The following SERPINB5 variants were observed in gnomAD, a reference collection of about 807,000 sequenced individuals.
SERPINB5 encodes the protein serpin family B member 5.
A neutral mutation model predicts 32.2 loss-of-function variants in SERPINB5; 27 were observed. The observed-to-expected ratio is 0.84, with a 90% CI of 0.62 to 1.16. The LOEUF (loss-of-function observed/expected upper bound fraction) is 1.16. Ranked by LOEUF, SERPINB5 falls within the 50% of genes most tolerant of loss-of-function variation. The pLI is 0.00. For synonymous variants in SERPINB5, 154 were observed against 157.4 expected, an observed-to-expected ratio of 0.98 and a Z score of 0.16; for missense variants, 388 against 436.3, an observed-to-expected ratio of 0.89 and a Z score of 0.99.
chr18:63,503,293 TA>T (rs1909607705), intron 6 of SERPINB5, 36 bp from the exon 7 acceptor site: 2 of 1,566,714 alleles, frequency 1.3e-6, no homozygotes, highest in Admixed American at 3.9e-5. Context: ...CAGTTGGAAA[TA>T]AATAAAAATA....
At chr18:63,495,095 G>A (rs1909421573) in intron 5 of SERPINB5, among the ~76,000 whole-genome samples, 1 of 152,186 alleles carries the variant, frequency 6.6e-6, no homozygotes, top group Non-Finnish European at 1.5e-5. Flanking sequence ...GGGAGCTGAG[G>A]GATGGGTAGG....
intron 1 of SERPINB5, among the ~76,000 whole-genome samples, chr18:63,481,420 A>AC: frequency 6.6e-6 from 1 of 152,332 alleles, no homozygotes; most frequent in East Asian, 1.9e-4. Context: ...GACTATGCAA[A>AC]ATTATTCTAG....
At chr18:63,496,029 A>T (rs1186537549) in intron 5 of SERPINB5, among the ~76,000 whole-genome samples, 1 of 152,178 alleles carries the variant, frequency 6.6e-6, no homozygotes, top group African/African-American at 2.4e-5. Flanking sequence ...TATAGTACTT[A>T]TTCTGATAAA....
At chr18:63,496,975 G>A (rs534332214) in intron 5 of SERPINB5, 16 of 490,938 alleles carry the variant, frequency 3.3e-5, no homozygotes, top group Non-Finnish European at 6.4e-5. Context: ...GGCTAAAGTT[G>A]GGAGACTGAG....
At chr18:63,490,536 C>G (rs1316263350) in intron 4 of SERPINB5, 1 of 152,178 alleles carries the variant, frequency 6.6e-6, no homozygotes, top group African/African-American at 2.4e-5. Flanking sequence ...GAAGCCTAGG[C>G]AGTCGCTGCT....
At chr18:63,481,456 T>A (rs1917125837) in intron 1 of SERPINB5, among the ~76,000 whole-genome samples, 1 of 152,240 alleles carries the variant, frequency 6.6e-6, no homozygotes, top group South Asian at 2.1e-4. Context: ...AATAAATACG[T>A]GCTTGGAGGA....
rs1329153557 is a variant in SERPINB5 at position 63,503,715 on chromosome 18, C to T, written c.1121C>T (p.Ser374Phe). The change falls in exon 7 of 7, where the codon TCT becomes TTT. Residue 374 changes from serine (S) to phenylalanine (F), a missense_variant. By Grantham distance (155) the Ser-to-Phe change is radical (BLOSUM62 -2). Transcript: ENST00000382771. Reference sequence around the variant, plus strand: ...ATTATTTTCTTTGGCAAATTCTGTTCTCCTTAAGTGGCATAGCCCATGTTA... The same window carrying T: ...ATTATTTTCTTTGGCAAATTCTGTTTTCCTTAAGTGGCATAGCCCATGTTA... The part of the protein sequence containing the change: ...RNIIFFGKFC[S>F]P The T allele has an allele frequency of 6.2e-7, 1 of 1,614,070 alleles. No individual in the cohort carries two copies. Among genetic ancestry groups the T allele is most frequent in the East Asian group, 2.2e-5 (1 of 44,876 alleles).
intron 1 of SERPINB5, among the ~76,000 whole-genome samples, chr18:63,481,128 G>C (rs1917120451): frequency 6.6e-6 from 1 of 152,208 alleles, no homozygotes. Context: ...TCTAAGCCTT[G>C]AATTGCAACA....
At chr18:63,497,435 T>C in intron 5 of SERPINB5, 1 of 836,256 alleles carries the variant, frequency 1.2e-6, no homozygotes, top group Non-Finnish European at 2.0e-6. Flanking sequence ...TCCCTGCTGC[T>C]GCGGCTGCAC....
chr18:63,503,849 G>T lies in SERPINB5; in HGVS notation c.*127G>T. ...ATGTTGCTGGATCAGGAAGCCGCCAGTACTTGTCATATGTAGCCTTCACAC... is the reference window on the plus strand; with the variant it reads ...ATGTTGCTGGATCAGGAAGCCGCCATTACTTGTCATATGTAGCCTTCACAC... On this transcript the variant is annotated 3_prime_UTR_variant, in exon 7 of 7. Transcript: ENST00000382771. 1 of 934,634 alleles carries T rather than the reference G, an allele frequency of 1.1e-6. No homozygotes were observed. The highest frequency in any genetic ancestry group is 1.6e-6 in the Non-Finnish European group (1 of 611,392). 57.9% of individuals were successfully genotyped at this position (934,634 alleles called of 1,614,324 possible). A position where few individuals can be genotyped will look rare whatever the true frequency, so the allele number is the denominator to read the frequency against.
At chr18:63,482,074 T>A (rs920735363) in intron 1 of SERPINB5, among the ~76,000 whole-genome samples, 1 of 152,190 alleles carries the variant, frequency 6.6e-6, no homozygotes. Flanking sequence ...CAATAAAACA[T>A]TATTTTTGGA....
In SERPINB5 at chr18:63,503,599, G is replaced by T. The variant is rs372972017; in HGVS notation, c.1005G>T (p.Glu335Asp). 2 of 1,614,192 alleles carry T rather than the reference G, an allele frequency of 1.2e-6. No homozygotes were observed. Among genetic ancestry groups the T allele is most frequent in the African/African-American group, 2.7e-5 (2 of 75,056 alleles). Residue 335 changes from glutamate to aspartate, a missense_variant, in exon 7 of 7, where the codon GAG (glutamate) becomes GAT (aspartate). By Grantham distance (45) the Glu-to-Asp change is conservative (BLOSUM62 2). Transcript: ENST00000382771. Reference protein sequence around the residue: ...EITEDGGDSIEVPGARILQHK... With the variant: ...EITEDGGDSIDVPGARILQHK... ...CTGAAGATGGTGGGGATTCCATAGA[G>T]GTGCCAGGAGCACGGATCCTGCAGC...
intron 2 of SERPINB5, chr18:63,485,707 C>G (rs984278041): frequency 1.3e-5 from 2 of 152,298 alleles, no homozygotes; most frequent in Non-Finnish European, 2.9e-5. Context: ...AAGCTCTTCT[C>G]AGTATATGCA....
chr18:63,485,790 G>A (rs375434160), intron 2 of SERPINB5: 22 of 152,908 alleles, frequency 1.4e-4, no homozygotes, highest in African/African-American at 5.3e-4. Context: ...AGGCATGAGA[G>A]TTATGCACTG....
At position 63,480,813 on chromosome 18, in the gene SERPINB5, C is replaced by G. The variant is rs145264985; in HGVS notation, c.-7-3609C>G. Among the ~76,000 whole-genome samples, 849 of 152,292 alleles carry G rather than the reference C, an allele frequency of 5.6e-3. 9 individuals are homozygous for G. Among genetic ancestry groups the G allele is most frequent in the Middle Eastern group, 0.034 (10 of 294 alleles). ...TTACTTAGTGGGTGATTTTTTGCAA[C>G]TACAACCTTTTCCATGTACAGACCT... On this transcript the variant is annotated intron_variant, in intron 1 of 6. Coordinates refer to ENST00000382771, the MANE Select transcript of SERPINB5 (RefSeq NM_002639.5).
chr18:63,497,407 G>C (rs771695651), intron 5 of SERPINB5: 490 of 1,129,382 alleles, frequency 4.3e-4, no homozygotes, highest in South Asian at 7.7e-4. Context: ...GTGAAGCTCT[G>C]TGGGGGTCAC....
In SERPINB5 at chr18:63,503,388, C is replaced by T. The variant is rs1909609758; in HGVS notation, c.794C>T (p.Ala265Val). The T allele has an allele frequency of 6.2e-7, 1 of 1,614,210 alleles. No homozygotes were observed. Among genetic ancestry groups the T allele is most frequent in the Non-Finnish European group, 8.5e-7 (1 of 1,180,028 alleles). The change falls in exon 7 of 7, where the codon GCC becomes GTC. Residue 265 changes from alanine (A) to valine (V), a missense_variant. Physicochemically the swap from Ala to Val is moderately conservative, Grantham distance 64 (BLOSUM62 0). Coordinates refer to ENST00000382771, the MANE Select transcript of SERPINB5 (RefSeq NM_002639.5). ...LSQWTNPSTM[A>V]NAKVKLSIPK... ...CAGTGGACTAATCCCAGCACCATGG[C>T]CAATGCCAAGGTCAAACTCTCCATT...
Position 63,503,333 on chromosome 18 carries a change from GAA to G in SERPINB5, c.743_744del (p.Lys248ThrfsTer12), listed in dbSNP as rs755097954. The G allele has an allele frequency of 2.5e-6, 4 of 1,605,864 alleles. No homozygotes were observed. In the South Asian group the frequency reaches 4.5e-5, roughly 18 times the overall value. On this transcript the variant is annotated frameshift_variant, in exon 7 of 7. Coordinates refer to ENST00000382771, the MANE Select transcript of SERPINB5 (RefSeq NM_002639.5). LOFTEE classifies it high-confidence loss of function. Reference protein sequence around the residue: ...EDESTGLEKIEKQLNSESLSQ... With the variant: ...EDESTGLEKIXKQLNSESLSQ... ...TCTTTTCATTTTTGTCCTTCAGATT[GAA>G]AAACAACTCAACTCAGAGTCACTGT...
intron 4 of SERPINB5, among the ~76,000 whole-genome samples, chr18:63,492,116 AT>A (rs749843389): frequency 2.9e-4 from 44 of 152,230 alleles, no homozygotes; most frequent in Non-Finnish European, 6.2e-4. Context: ...AAAACCCTTT[AT>A]AAAAAACCTG....
Sources: gnomAD v4.1 joint callset for allele counts (sites outside exome capture counted in the v4.1 genomes callset) on GRCh38, gnomAD v4.1.1 for gene constraint, MANE v1.5 for transcripts, NCBI Gene and HGNC (gene_info 2026-07-23, HGNC 2026-07-21) for gene names.